QSER1: variants seen among roughly 807,000 people sequenced by gnomAD.
QSER1 encodes the protein glutamine and serine-rich protein 1.
A neutral mutation model predicts 158.5 loss-of-function variants in QSER1; 49 were observed. The ratio of observed to expected loss-of-function variants is 0.31; its 90% confidence interval spans 0.25 to 0.39. The LOEUF is 0.39. QSER1 is among the 10% of genes least tolerant of loss of function. The pLI, the probability that QSER1 is intolerant of heterozygous loss-of-function variation, is 1.00. For synonymous variants in QSER1, 650 were observed against 715.5 expected (o/e 0.91, Z 1.46); for missense variants, 1,754 against 2,010.3 (o/e 0.87, Z 2.44).
At chr11:32,898,789 G>A (rs928842181) in intron 1 of QSER1, among the ~76,000 whole-genome samples, 12 of 152,174 alleles carry the variant, frequency 7.9e-5, no homozygotes, top group African/African-American at 2.9e-4. Flanking sequence ...GACCAGGCTG[G>A]TCGGGAACTC....
chr11:32,972,589 C>G (rs1205334053), intron 10 of QSER1, among the ~76,000 whole-genome samples: 1 of 152,010 alleles, frequency 6.6e-6, no homozygotes, highest in East Asian at 1.9e-4. Flanking sequence ...GTGTGCACCA[C>G]CTCACCCAGC....
intron 1 of QSER1, among the ~76,000 whole-genome samples, chr11:32,899,039 A>G (rs891520481): frequency 3.9e-5 from 6 of 152,366 alleles, no homozygotes; most frequent in Middle Eastern, 3.4e-3. Flanking sequence ...TGCTTTGTGC[A>G]ATGGTATATG....
chr11:32,931,409 T>A (rs773783065), intron 3 of QSER1, among the ~76,000 whole-genome samples: 123 of 151,964 alleles, frequency 8.1e-4, no homozygotes, highest in Non-Finnish European at 1.3e-3. Context: ...CAAGACCCCA[T>A]CTCTACAAAA....
chr11:32,932,096 T>C lies in QSER1; in HGVS notation c.838T>C (p.Leu280=), dbSNP rs780550584. 6.2e-7 allele frequency: 1 copy of C among 1,614,084 alleles called. No individual in the cohort carries two copies. The highest frequency in any genetic ancestry group is 8.5e-7 in the Non-Finnish European group (1 of 1,180,028). ...APHLLQPQFS[L]LPSALGGSQQ... ...CCATCTTTTACAACCTCAATTTAGTTTGTTGCCTTCAGCACTTGGGGGATC... is the reference window on the plus strand; with the variant it reads ...CCATCTTTTACAACCTCAATTTAGTCTGTTGCCTTCAGCACTTGGGGGATC... Residue 280 remains leucine, a synonymous_variant, in exon 4 of 13, where the codon TTG becomes CTG. Coordinates refer to ENST00000650167, the MANE Select transcript of QSER1 (RefSeq NM_001076786.3).
intron 8 of QSER1, among the ~76,000 whole-genome samples, chr11:32,964,769 C>CACACACAT (rs1564946571): frequency 1.3e-4 from 16 of 127,288 alleles, no homozygotes; most frequent in Non-Finnish European, 2.4e-4. Flanking sequence ...CACACACACA[C>CACACACAT]ACACACACAC....
intron 8 of QSER1, 75 bp from the exon 9 acceptor site, chr11:32,966,225 G>A (rs1852744127): frequency 6.8e-7 from 1 of 1,480,022 alleles, no homozygotes; most frequent in Non-Finnish European, 9.2e-7. Context: ...TGCTTCTAGG[G>A]TCTCGTTATA....
chr11:32,953,297 C>T (rs1720864538), intron 4 of QSER1, among the ~76,000 whole-genome samples: 1 of 150,786 alleles, frequency 6.6e-6, no homozygotes, highest in Non-Finnish European at 1.5e-5. Context: ...TATGAAGAGT[C>T]ACAGTTTTGG....
chr11:32,915,583 G>A (rs1390145573), intron 1 of QSER1, among the ~76,000 whole-genome samples: 4 of 152,120 alleles, frequency 2.6e-5, no homozygotes, highest in East Asian at 1.9e-4. Flanking sequence ...TGGTCCAAAC[G>A]TGGAATTACA....
intron 7 of QSER1, among the ~76,000 whole-genome samples, chr11:32,957,130 T>C (rs1852529470): frequency 6.7e-6 from 1 of 150,110 alleles, no homozygotes; most frequent in Non-Finnish European, 1.5e-5. Flanking sequence ...TTTTCTTTTT[T>C]TTTCTTTTTT....
rs1178331317 is a variant in QSER1 at position 32,943,871 on chromosome 11, C to CT, written c.4177+8441dup. Among the ~76,000 whole-genome samples, 10 of 151,940 alleles carry CT rather than the reference C, an allele frequency of 6.6e-5. No homozygotes were observed. In the East Asian group the frequency reaches 1.9e-3, roughly 30 times the overall value. On this transcript the variant is annotated intron_variant, in intron 4 of 12. Coordinates refer to ENST00000650167, the MANE Select transcript of QSER1 (RefSeq NM_001076786.3). ...CTGTGAATCCATCTGGTCCTGGACT[C>CT]TTTTTGGTTGGTAAGCTATTGATTA...
intron 1 of QSER1, among the ~76,000 whole-genome samples, chr11:32,916,589 T>C (rs989784936): frequency 6.6e-6 from 1 of 152,086 alleles, no homozygotes; most frequent in Admixed American, 6.6e-5. Context: ...CTATATGGTA[T>C]GATCTGTCAA....
chr11:32,970,900 C>T (rs950439464), intron 10 of QSER1, among the ~76,000 whole-genome samples: 4 of 136,344 alleles, frequency 2.9e-5, no homozygotes, highest in Admixed American at 1.5e-4. Flanking sequence ...ATTTCTAATT[C>T]TGTTATTAGT....
intron 3 of QSER1, among the ~76,000 whole-genome samples, chr11:32,930,386 T>C (rs1214962708): frequency 1.3e-5 from 2 of 152,222 alleles, no homozygotes; most frequent in East Asian, 3.8e-4. Context: ...CCACTAGATA[T>C]TTTCTATCTT....
intron 1 of QSER1, among the ~76,000 whole-genome samples, chr11:32,895,664 A>C (rs1488649220): frequency 6.6e-6 from 1 of 152,228 alleles, no homozygotes; most frequent in Non-Finnish European, 1.5e-5. Context: ...ACTTATCCAT[A>C]AAGAATTAGC....
chr11:32,918,703 G>A (rs1049202690), intron 1 of QSER1, among the ~76,000 whole-genome samples: 1 of 151,954 alleles, frequency 6.6e-6, no homozygotes, highest in East Asian at 1.9e-4. Context: ...CAAGAGCAGA[G>A]GCAAGGAAAC....
In QSER1 at chr11:32,932,959, C is replaced by G. The variant is rs760832988; in HGVS notation, c.1701C>G (p.Ser567Arg). ...SGHSQGLSPVSQTQVSYSSQS... is the reference protein window; with the variant it reads ...SGHSQGLSPVRQTQVSYSSQS... ...ACTCTCAGGGTTTATCACCAGTTAG[C>G]CAGACACAGGTTAGCTATTCATCTC... Residue 567 changes from serine (S) to arginine (R), a missense_variant, in exon 4 of 13, where the codon AGC (serine) becomes AGG (arginine). Physicochemically the swap from Ser to Arg is moderately radical, Grantham distance 110. Coordinates refer to ENST00000650167, the MANE Select transcript of QSER1 (RefSeq NM_001076786.3). 52 of 1,612,950 alleles carry G rather than the reference C, an allele frequency of 3.2e-5. No individual in the cohort carries two copies. The highest frequency in any genetic ancestry group is 2.7e-4 in the South Asian group (25 of 91,012).
chr11:32,917,220 T>C (rs2133519212), intron 1 of QSER1, among the ~76,000 whole-genome samples: 1 of 152,388 alleles, frequency 6.6e-6, no homozygotes, highest in South Asian at 2.1e-4. Context: ...ATAGTATTCC[T>C]TTGTTTGACT....
intron 4 of QSER1, among the ~76,000 whole-genome samples, chr11:32,939,214 C>T (rs1421687504): frequency 6.6e-6 from 1 of 152,076 alleles, no homozygotes; most frequent in East Asian, 1.9e-4. Flanking sequence ...GCCAAACTGA[C>T]GAACAGCACT....
At chr11:32,924,560 CAAAAAAA>C (rs371281813) in intron 1 of QSER1, among the ~76,000 whole-genome samples, 1 of 58,516 alleles carries the variant, frequency 1.7e-5, no homozygotes, top group Non-Finnish European at 3.2e-5. Context: ...GACCCTGTCT[CAAAAAAA>C]AAAAAAAAAA....
Sources: allele counts gnomAD v4.1 joint callset (sites outside exome capture counted in the v4.1 genomes callset), GRCh38; gene constraint gnomAD v4.1.1; transcripts MANE v1.5; gene names NCBI Gene and HGNC (gene_info 2026-07-23, HGNC 2026-07-21).